The following SLC4A7 variants were observed in gnomAD, a reference collection of about 807,000 sequenced individuals.
SLC4A7 encodes sodium bicarbonate cotransporter 3.
SLC4A7 carries 51 observed loss-of-function variants against 137.6 expected under a neutral mutation model. The observed-to-expected ratio is 0.37, with a 90% CI of 0.30 to 0.47. The LOEUF is 0.47. Ranked by LOEUF, SLC4A7 falls within the 20% of genes least tolerant of loss-of-function variation. SLC4A7 has a pLI of 1.00. For missense variants in SLC4A7, 1,247 were observed against 1,525.4 expected (o/e 0.82, Z 3.04); for synonymous variants, 542 against 518.6 (o/e 1.05, Z -0.61).
chr3:27,446,345 C>G (rs1217467604), intron 3 of SLC4A7, among the ~76,000 whole-genome samples: 1 of 152,076 alleles, frequency 6.6e-6, no homozygotes, highest in Non-Finnish European at 1.5e-5. Flanking sequence ...AACGAAGAGA[C>G]TTCATTTTTA....
chr3:27,385,400 ACT>A (rs2050833736), intron 23 of SLC4A7, among the ~76,000 whole-genome samples: 2 of 152,212 alleles, frequency 1.3e-5, no homozygotes. Flanking sequence ...ACTTTATTAT[ACT>A]TTTTAAAAAA....
chr3:27,396,070 A>G (rs2052128261), intron 18 of SLC4A7, among the ~76,000 whole-genome samples: 1 of 152,194 alleles, frequency 6.6e-6, no homozygotes, highest in South Asian at 2.1e-4. Context: ...AGAATACTGC[A>G]TATATAGAAA....
intron 6 of SLC4A7, among the ~76,000 whole-genome samples, chr3:27,432,174 G>T (rs2056364275): frequency 6.6e-6 from 1 of 151,910 alleles, no homozygotes; most frequent in South Asian, 2.1e-4. Context: ...CTTAAAACTG[G>T]TATTAAATAT....
At chr3:27,483,169 G>A (rs914851267) in intron 1 of SLC4A7, among the ~76,000 whole-genome samples, 2 of 152,250 alleles carry the variant, frequency 1.3e-5, no homozygotes, top group African/African-American at 4.8e-5. Flanking sequence ...AACTTGGAAA[G>A]GAGAAAGAGA....
intron 1 of SLC4A7, among the ~76,000 whole-genome samples, chr3:27,483,344 C>T (rs1008284062): frequency 6.6e-6 from 1 of 152,236 alleles, no homozygotes; most frequent in African/African-American, 2.4e-5. Context: ...ATCTTGCTAG[C>T]TGAGTTAGAG....
intron 8 of SLC4A7, among the ~76,000 whole-genome samples, chr3:27,423,213 T>C (rs6780237): frequency 0.029 from 4,399 of 152,272 alleles, 222 homozygotes; most frequent in African/African-American, 0.1. Context: ...TTGTAGACTT[T>C]TCATCAAAGA....
chr3:27,422,678 C>T (rs1353305808), intron 8 of SLC4A7: 25 of 413,644 alleles, frequency 6.0e-5, no homozygotes, highest in Admixed American at 1.9e-4. Flanking sequence ...GAAAAGGTTA[C>T]ACATGATACC....
intron 3 of SLC4A7, among the ~76,000 whole-genome samples, chr3:27,441,834 C>G (rs1217453308): frequency 1.3e-5 from 2 of 151,834 alleles, no homozygotes; most frequent in African/African-American, 4.8e-5. Context: ...AGGAACTTGT[C>G]CATTTCATGT....
At chr3:27,425,969 T>C (rs915206413) in intron 7 of SLC4A7, among the ~76,000 whole-genome samples, 6 of 152,222 alleles carry the variant, frequency 3.9e-5, no homozygotes, top group Non-Finnish European at 5.9e-5. Flanking sequence ...GGTTAGATTC[T>C]ATAAGCTCTG....
intron 1 of SLC4A7, among the ~76,000 whole-genome samples, chr3:27,479,882 T>C (rs574277675): frequency 1.2e-4 from 18 of 152,322 alleles, no homozygotes; most frequent in African/African-American, 4.1e-4. Context: ...AGCGCCTAAA[T>C]GGCCCACACA....
chr3:27,431,584 A>C lies in SLC4A7; in HGVS notation c.864T>G (p.Ser288=). Residue 288 remains serine, a synonymous_variant, in exon 7 of 26, where the codon TCT becomes TCG. Coordinates refer to ENST00000454389, the MANE Select transcript of SLC4A7 (RefSeq NM_001321103.2). The part of the protein sequence containing the change: ...NLSLRGESPL[S]LLLGHLLPSS... ...AAGGAAGAAGATGACCAAGAAGAAG[A>C]GATAAAGGTGATTCTCCTCTCAAGG... The C allele has an allele frequency of 6.2e-7, 1 of 1,614,084 alleles. No homozygotes were observed. The highest frequency in any genetic ancestry group is 8.5e-7 in the Non-Finnish European group (1 of 1,179,966).
chr3:27,416,398 T>G (rs2054388360), intron 11 of SLC4A7, among the ~76,000 whole-genome samples: 1 of 152,232 alleles, frequency 6.6e-6, no homozygotes, highest in African/African-American at 2.4e-5. Context: ...AATGGTGCCA[T>G]GTACACTCTT....
intron 1 of SLC4A7, among the ~76,000 whole-genome samples, chr3:27,478,188 C>A (rs1279044920): frequency 6.9e-6 from 1 of 144,338 alleles, no homozygotes; most frequent in African/African-American, 2.5e-5. Flanking sequence ...ACATAAAATT[C>A]TCTGAAAAAT....
At chr3:27,409,833 T>C (rs1173343163) in intron 12 of SLC4A7, among the ~76,000 whole-genome samples, 1 of 152,174 alleles carries the variant, frequency 6.6e-6, no homozygotes, top group Non-Finnish European at 1.5e-5. Flanking sequence ...AGGCAAGGTA[T>C]AACAAAATAA....
chr3:27,456,395 A>G (rs2058409915), intron 1 of SLC4A7, among the ~76,000 whole-genome samples: 4 of 152,228 alleles, frequency 2.6e-5, no homozygotes, highest in Admixed American at 2.6e-4. Flanking sequence ...TCTTAACCAA[A>G]TAATTTTTAA....
intron 1 of SLC4A7, among the ~76,000 whole-genome samples, chr3:27,464,404 C>T (rs2058861176): frequency 6.6e-6 from 1 of 152,018 alleles, no homozygotes; most frequent in Non-Finnish European, 1.5e-5. Flanking sequence ...CATTTTAGTC[C>T]ATTCTTCAAA....
intron 24 of SLC4A7, among the ~76,000 whole-genome samples, chr3:27,380,342 T>C (rs1490359423): frequency 6.6e-6 from 1 of 150,676 alleles, no homozygotes; most frequent in Non-Finnish European, 1.5e-5. Flanking sequence ...AAGAGTACTA[T>C]CCATTTATTA....
intron 3 of SLC4A7, among the ~76,000 whole-genome samples, chr3:27,446,999 C>T (rs1378497529): frequency 6.6e-6 from 1 of 150,640 alleles, no homozygotes; most frequent in Non-Finnish European, 1.5e-5. Flanking sequence ...TTCTCTGCCT[C>T]AGCCTCCCAA....
intron 7 of SLC4A7, among the ~76,000 whole-genome samples, chr3:27,428,507 T>C (rs1559741357): frequency 6.6e-6 from 1 of 152,216 alleles, no homozygotes; most frequent in Non-Finnish European, 1.5e-5. Flanking sequence ...GTATATCCTT[T>C]TTTGCAACTA....
Sources: gnomAD v4.1 joint callset for allele counts (sites outside exome capture counted in the v4.1 genomes callset) on GRCh38, gnomAD v4.1.1 for gene constraint, MANE v1.5 for transcripts, NCBI Gene and HGNC (gene_info 2026-07-23, HGNC 2026-07-21) for gene names.